The following DIAPH2 variants were observed in gnomAD, a reference collection of about 807,000 sequenced individuals.
The protein encoded by DIAPH2 is protein diaphanous homolog 2.
Under a neutral mutation model 92.7 loss-of-function variants are expected in DIAPH2, and 35 were observed. The ratio of observed to expected loss-of-function variants is 0.38; its 90% confidence interval spans 0.29 to 0.50. The LOEUF is 0.50. Ranked by LOEUF, DIAPH2 falls within the 20% of genes least tolerant of loss-of-function variation. The pLI is 0.94. For missense variants in DIAPH2, 701 were observed against 819.5 expected, an observed-to-expected ratio of 0.86 and a Z score of 1.77; for synonymous variants, 301 against 280.4, an observed-to-expected ratio of 1.07 and a Z score of -0.73.
At position 97,589,711 on chromosome X, in the gene DIAPH2, G is replaced by A. The variant is rs755181924; in HGVS notation, c.3242-9542G>A. ...GAGGACTGGCTTTGTCCCAATAGAT[G>A]TAAATGTCAGGAATGATTCTTTGAG... On this transcript the variant is annotated intron_variant, in intron 26 of 26. Transcript: ENST00000324765. Among the ~76,000 whole-genome samples the A allele has an allele frequency of 1.1e-4, 12 of 112,336 alleles. No individual in the cohort carries two copies. The South Asian group carries it at 3.7e-3, about 35-fold the overall frequency.
chrX:97,286,555 C>A (rs1453197769), intron 23 of DIAPH2, among the ~76,000 whole-genome samples: 3 of 111,496 alleles, frequency 2.7e-5, no homozygotes. Context: ...TTGCCACTTG[C>A]ATGTTGTCCC....
chrX:96,830,549 C>T (rs1335509891), intron 4 of DIAPH2, among the ~76,000 whole-genome samples: 2 of 74,873 alleles, frequency 2.7e-5, no homozygotes, highest in Non-Finnish European at 4.6e-5. Flanking sequence ...CTAGCCTGGG[C>T]GACAGAGCGA....
At chrX:97,285,564 C>T (rs1271480742) in intron 23 of DIAPH2, among the ~76,000 whole-genome samples, 1 of 110,110 alleles carries the variant, frequency 9.1e-6, no homozygotes, top group African/African-American at 3.3e-5. Flanking sequence ...GAGCATAACC[C>T]GTAGACTAGG....
chrX:96,745,835 A>G (rs1469462582), intron 3 of DIAPH2, among the ~76,000 whole-genome samples: 3 of 112,160 alleles, frequency 2.7e-5, no homozygotes, highest in Non-Finnish European at 3.8e-5. Context: ...CAATGATGCA[A>G]TTTTAAAGGG....
At chrX:96,886,074 G>GT (rs2065259817) in intron 5 of DIAPH2, among the ~76,000 whole-genome samples, 2 of 109,912 alleles carry the variant, frequency 1.8e-5, no homozygotes, top group Non-Finnish European at 1.9e-5. Flanking sequence ...AGGATTAATA[G>GT]TTTCACTTAT....
Position 97,045,848 on chromosome X carries a change from A to ACTTT in DIAPH2, c.2051-27093_2051-27092insCTTT, listed in dbSNP as rs1239959717. ...GGGTATGGTATTAGGGTATTTTAGG[A>ACTTT]TTTTTTTTTTTTTTTTTTTTTTTGA... On this transcript the variant is annotated intron_variant, in intron 17 of 26. Transcript: ENST00000324765. Among the ~76,000 whole-genome samples, 174 of 64,416 alleles carry ACTTT rather than the reference A, an allele frequency of 2.7e-3. 3 individuals are homozygous for ACTTT. Among genetic ancestry groups the ACTTT allele is most frequent in the African/African-American group, 1.0e-2 (166 of 16,630 alleles). 55.9% of individuals were successfully genotyped at this position (64,416 alleles called of 115,157 possible).
intron 24 of DIAPH2, among the ~76,000 whole-genome samples, chrX:97,366,047 G>A (rs2069378083): frequency 8.9e-6 from 1 of 111,825 alleles, no homozygotes; most frequent in Admixed American, 9.5e-5. Flanking sequence ...GTGATGTACA[G>A]ACCTGCCTTC....
intron 26 of DIAPH2, among the ~76,000 whole-genome samples, chrX:97,465,277 A>G: frequency 9.1e-6 from 1 of 109,866 alleles, no homozygotes; most frequent in South Asian, 3.8e-4. Flanking sequence ...ATTCACCCAC[A>G]CACACACACA....
At chrX:97,439,508 T>C (rs1482994576) in intron 26 of DIAPH2, among the ~76,000 whole-genome samples, 1 of 108,170 alleles carries the variant, frequency 9.2e-6, no homozygotes, top group Non-Finnish European at 1.9e-5. Context: ...AGGCAGAGGT[T>C]GCAGTGAGCC....
chrX:97,322,649 A>C (rs989214411), intron 23 of DIAPH2, among the ~76,000 whole-genome samples: 8 of 111,016 alleles, frequency 7.2e-5, no homozygotes, highest in African/African-American at 2.6e-4. Context: ...CTGGGAGTCT[A>C]TCTGAATCTA....
chrX:97,075,053 G>T (rs1017872518), intron 18 of DIAPH2, 114 bp from the exon 19 acceptor site: 1 of 441,091 alleles, frequency 2.3e-6, no homozygotes, highest in Non-Finnish European at 3.9e-6. Context: ...TCATAATTCT[G>T]TATATTAGTG....
intron 26 of DIAPH2, among the ~76,000 whole-genome samples, chrX:97,477,626 CTATA>C (rs750457001): frequency 1.1e-5 from 1 of 87,573 alleles, no homozygotes; most frequent in Non-Finnish European, 2.4e-5. Context: ...ATCTATCTAT[CTATA>C]TATATATATG....
At chrX:97,578,284 A>G (rs2071412222) in intron 26 of DIAPH2, among the ~76,000 whole-genome samples, 1 of 108,316 alleles carries the variant, frequency 9.2e-6, no homozygotes, top group Admixed American at 9.9e-5. Flanking sequence ...CTCGTCATCT[A>G]GCATTAGGTA....
At chrX:96,688,898 C>G (rs1268073313) in intron 1 of DIAPH2, among the ~76,000 whole-genome samples, 1 of 109,874 alleles carries the variant, frequency 9.1e-6, no homozygotes, top group African/African-American at 3.3e-5. Context: ...CTGCAGTGAG[C>G]TGTGACTATA....
At chrX:97,017,449 G>A (rs1483478426) in intron 17 of DIAPH2, among the ~76,000 whole-genome samples, 1 of 111,711 alleles carries the variant, frequency 9.0e-6, no homozygotes, top group Non-Finnish European at 1.9e-5. Flanking sequence ...ATTGAATGGG[G>A]AGGAAGAGTT....
chrX:96,886,206 C>T (rs189039850), intron 5 of DIAPH2, among the ~76,000 whole-genome samples: 42 of 109,862 alleles, frequency 3.8e-4, no homozygotes, highest in African/African-American at 1.3e-3. Flanking sequence ...TGACCATTAA[C>T]GAAAGCCCTC....
At chrX:97,518,696 G>A (rs1055763508) in intron 26 of DIAPH2, among the ~76,000 whole-genome samples, 36 of 110,720 alleles carry the variant, frequency 3.3e-4, no homozygotes, top group African/African-American at 1.1e-3. Context: ...AGTGAGTATA[G>A]CTTTAGTCCT....
chrX:97,440,594 C>CAAAAAAAA (rs775916074), intron 26 of DIAPH2, among the ~76,000 whole-genome samples: 1 of 39,414 alleles, frequency 2.5e-5, no homozygotes, highest in Non-Finnish European at 4.9e-5. Flanking sequence ...CTTCGTCTCA[C>CAAAAAAAA]AAAAAAAAAA....
chrX:97,583,507 C>T (rs1359291217), intron 26 of DIAPH2, among the ~76,000 whole-genome samples: 2 of 112,219 alleles, frequency 1.8e-5, no homozygotes, highest in African/African-American at 6.5e-5. Context: ...GTCAGGGACC[C>T]ACTTGAGGAG....
Sources: allele counts gnomAD v4.1 joint callset (sites outside exome capture counted in the v4.1 genomes callset), GRCh38; gene constraint gnomAD v4.1.1; transcripts MANE v1.5; gene names NCBI Gene and HGNC (gene_info 2026-07-23, HGNC 2026-07-21).